JAK1: variants seen among roughly 807,000 people sequenced by gnomAD.
JAK1 encodes tyrosine-protein kinase JAK1.
In JAK1, 16 loss-of-function variants were observed where a neutral mutation model predicts 136.6. That is an observed-to-expected ratio of 0.12 (90% CI 0.08 to 0.18). The LOEUF is 0.18. JAK1 is among the 10% of genes least tolerant of loss of function. The pLI is 1.00. For missense variants in JAK1, 859 were observed against 1,450.1 expected, an observed-to-expected ratio of 0.59 and a Z score of 6.62; for synonymous variants, 492 against 519.5, an observed-to-expected ratio of 0.95 and a Z score of 0.72.
intron 2 of JAK1, among the ~76,000 whole-genome samples, chr1:64,976,333 G>A (rs1473619666): frequency 6.6e-6 from 1 of 152,162 alleles, no homozygotes; most frequent in Admixed American, 6.6e-5. Context: ...CATGCATTTT[G>A]AGATTTTATG....
chr1:65,006,723 C>A (rs188735334), intron 2 of JAK1, among the ~76,000 whole-genome samples: 38 of 152,262 alleles, frequency 2.5e-4, no homozygotes, highest in Admixed American at 9.8e-4. Flanking sequence ...TTTGTTGTTT[C>A]AGTAGCAGGT....
chr1:64,863,918 G>C (rs1341778073), intron 8 of JAK1, among the ~76,000 whole-genome samples: 1 of 152,180 alleles, frequency 6.6e-6, no homozygotes, highest in African/African-American at 2.4e-5. Context: ...CTGGAAGATA[G>C]ATTCATTCTC....
chr1:64,902,359 T>C (rs12743599), intron 1 of JAK1, among the ~76,000 whole-genome samples: 78,690 of 151,970 alleles, frequency 0.52, 24,157 homozygotes, highest in Middle Eastern at 0.72. Flanking sequence ...GTGCCATAGA[T>C]GTTAAGACAG....
intron 8 of JAK1, among the ~76,000 whole-genome samples, chr1:64,863,675 C>T (rs1247258997): frequency 6.6e-6 from 1 of 152,086 alleles, no homozygotes; most frequent in African/African-American, 2.4e-5. Flanking sequence ...CAAAACTGGT[C>T]CCATTCTATA....
chr1:64,928,835 A>G (rs1570793719), intron 1 of JAK1, among the ~76,000 whole-genome samples: 1 of 146,618 alleles, frequency 6.8e-6, no homozygotes, highest in African/African-American at 2.5e-5. Flanking sequence ...ATTCAATTTT[A>G]TTTTTAAGGT....
At chr1:65,052,536 G>A (rs1392979594) in intron 1 of JAK1, among the ~76,000 whole-genome samples, 1 of 152,092 alleles carries the variant, frequency 6.6e-6, no homozygotes, top group Non-Finnish European at 1.5e-5. Context: ...AATCAGGCTG[G>A]GCGCAGTGGC....
At chr1:64,963,062 A>G (rs1646311464) in intron 1 of JAK1, among the ~76,000 whole-genome samples, 1 of 152,230 alleles carries the variant, frequency 6.6e-6, no homozygotes, top group South Asian at 2.1e-4. Context: ...ACAGAGTGAG[A>G]CACCATCTCG....
chr1:64,975,691 T>G (rs558878039), intron 2 of JAK1, among the ~76,000 whole-genome samples: 2 of 152,328 alleles, frequency 1.3e-5, no homozygotes, highest in South Asian at 4.1e-4. Flanking sequence ...CTTCATTCCT[T>G]GTGGATCTGA....
At chr1:64,885,261 T>A (rs946632725) in intron 2 of JAK1, among the ~76,000 whole-genome samples, 2 of 152,064 alleles carry the variant, frequency 1.3e-5, no homozygotes, top group African/African-American at 4.8e-5. Context: ...CCTAACCCCA[T>A]CCCACATTGA....
chr1:64,939,020 G>C (rs577201711), intron 1 of JAK1, among the ~76,000 whole-genome samples: 14 of 152,212 alleles, frequency 9.2e-5, no homozygotes, highest in African/African-American at 3.4e-4. Context: ...TTGTTGTCCA[G>C]GCTGGAGTGC....
At chr1:65,054,570 T>C (rs910074790) in intron 1 of JAK1, among the ~76,000 whole-genome samples, 1 of 152,034 alleles carries the variant, frequency 6.6e-6, no homozygotes, top group Non-Finnish European at 1.5e-5. Context: ...TGTCAGAAAT[T>C]CCTTTTCTGT....
intron 1 of JAK1, among the ~76,000 whole-genome samples, chr1:64,922,137 T>C (rs1645504371): frequency 1.4e-5 from 2 of 139,768 alleles, no homozygotes; most frequent in South Asian, 4.5e-4. Flanking sequence ...CCTCATTTGA[T>C]TGTTCTTATG....
At chr1:64,987,875 G>T (rs928363841) in intron 2 of JAK1, among the ~76,000 whole-genome samples, 1 of 152,194 alleles carries the variant, frequency 6.6e-6, no homozygotes, top group Admixed American at 6.5e-5. Context: ...CAAGTACCTA[G>T]AGTATAAAGT....
At position 64,909,648 on chromosome 1, in the gene JAK1, C is replaced by G. The variant is rs888443927; in HGVS notation, c.-77-23307G>C. Among the ~76,000 whole-genome samples the G allele has an allele frequency of 4.1e-5, 5 of 120,818 alleles. No individual in the cohort carries two copies. The East Asian group carries it at 1.2e-3, about 28-fold the overall frequency. 79.3% of individuals were successfully genotyped at this position (120,818 alleles called of 152,430 possible). A position where few individuals can be genotyped will look rare whatever the true frequency, so the allele number is the denominator to read the frequency against. On this transcript the variant is annotated intron_variant, in intron 1 of 24. Transcript: ENST00000342505. ...CCAGCCTAGGCAACATAGTGAAACC[C>G]CCTCTCTCCAAAAAAAAAAAAAAAA...
rs1349640065 is a variant in JAK1 at position 64,883,398 on chromosome 1, G to A, written c.84C>T (p.Asn28=). 3.1e-6 allele frequency: 5 copies of A among 1,614,112 alleles called. No individual in the cohort carries two copies. Among genetic ancestry groups the A allele is most frequent in the Non-Finnish European group, 3.4e-6 (4 of 1,179,974 alleles). Residue 28 remains asparagine, a synonymous_variant, in exon 3 of 25, where the codon AAC becomes AAT. Transcript: ENST00000342505. ...CCACCCCTGGCTCAGGGGCCTCCAG[G>A]TTCACCTCAGTCTTCTTGGAGCTCC... ...KMRSSKKTEV[N]LEAPEPGVEV...
chr1:64,887,644 T>TAAAATGCTATGAAGG (rs1553165021), intron 1 of JAK1, among the ~76,000 whole-genome samples: 2 of 152,102 alleles, frequency 1.3e-5, no homozygotes, highest in Non-Finnish European at 2.9e-5. Context: ...TACAAAGAGC[T>TAAAATGCTATGAAGG]AAAATGCTAT....
chr1:64,899,086 T>C (rs1365747530), intron 1 of JAK1, among the ~76,000 whole-genome samples: 2 of 152,240 alleles, frequency 1.3e-5, no homozygotes, highest in Non-Finnish European at 2.9e-5. Flanking sequence ...CTTTCAATAC[T>C]TGATCTCAAT....
intron 2 of JAK1, among the ~76,000 whole-genome samples, chr1:65,044,374 G>C (rs1026447115): frequency 1.3e-5 from 2 of 152,160 alleles, no homozygotes; most frequent in African/African-American, 2.4e-5. Context: ...GGAAATCCTT[G>C]GCTTTCAGGA....
chr1:64,963,401 T>C (rs1278042120), intron 1 of JAK1, among the ~76,000 whole-genome samples: 3 of 152,134 alleles, frequency 2.0e-5, no homozygotes, highest in Non-Finnish European at 4.4e-5. Context: ...AAATAACCTT[T>C]GCTTAAAGAA....
Sources: allele counts gnomAD v4.1 joint callset (sites outside exome capture counted in the v4.1 genomes callset), GRCh38; gene constraint gnomAD v4.1.1; transcripts MANE v1.5; gene names NCBI Gene and HGNC (gene_info 2026-07-23, HGNC 2026-07-21).